Variants in GPR55 observed in about 807,000 individuals in gnomAD.
GPR55 encodes G protein-coupled receptor 55.
GPR55 carries 6 observed loss-of-function variants against 7.9 expected under a neutral mutation model. The ratio of observed to expected loss-of-function variants is 0.76; its 90% CI spans 0.41 to 1.49. GPR55 has a LOEUF of 1.49. Ranked by LOEUF, GPR55 falls within the 40% of genes most tolerant of loss-of-function variation. GPR55 has a pLI of 0.01. For missense variants in GPR55, 376 were observed against 406.0 expected (o/e 0.93, Z 0.63); for synonymous variants, 183 against 166.8 (o/e 1.10, Z -0.75).
At chr2:230,947,154 T>C (rs1284430151) in intron 1 of GPR55, among the ~76,000 whole-genome samples, 1 of 152,200 alleles carries the variant, frequency 6.6e-6, no homozygotes, top group African/African-American at 2.4e-5. Context: ...CTTTCCACTA[T>C]GGGTGTGGGA....
chr2:230,943,089 GAGAGAGAGAGGAGAGAA>G (rs1298026790), intron 1 of GPR55, among the ~76,000 whole-genome samples: 1 of 151,172 alleles, frequency 6.6e-6, no homozygotes, highest in South Asian at 2.2e-4. Context: ...AGGAGAGAAA[GAGAGAGAGAGGAGAGAA>G]AGAGAGAGAG....
intron 1 of GPR55, among the ~76,000 whole-genome samples, chr2:230,914,663 G>A (rs1017493210): frequency 4.0e-5 from 6 of 150,382 alleles, no homozygotes; most frequent in Admixed American, 6.6e-5. Flanking sequence ...GGAGGGGAAC[G>A]GGGCGGGGGG....
chr2:230,942,671 G>A (rs749872766), intron 1 of GPR55, among the ~76,000 whole-genome samples: 1 of 152,156 alleles, frequency 6.6e-6, no homozygotes, highest in Non-Finnish European at 1.5e-5. Flanking sequence ...AGGGACTTCA[G>A]GGGGCTGCAG....
intron 1 of GPR55, among the ~76,000 whole-genome samples, chr2:230,923,000 G>A (rs1451251182): frequency 2.8e-4 from 43 of 152,256 alleles, no homozygotes; most frequent in Non-Finnish European, 5.9e-5. Flanking sequence ...CCGAGCACCC[G>A]GCCTGTGCTG....
intron 1 of GPR55, among the ~76,000 whole-genome samples, chr2:230,948,802 G>A (rs1390571870): frequency 6.6e-6 from 1 of 152,206 alleles, no homozygotes; most frequent in Non-Finnish European, 1.5e-5. Flanking sequence ...TGAGGGTTGG[G>A]CGAGGTGGCT....
At chr2:230,915,651 C>T (rs939258921) in intron 1 of GPR55, among the ~76,000 whole-genome samples, 1 of 152,170 alleles carries the variant, frequency 6.6e-6, no homozygotes, top group African/African-American at 2.4e-5. Flanking sequence ...AGAGCCACTC[C>T]CAGAGGCCCT....
At chr2:230,930,367 T>C (rs1046658913) in intron 1 of GPR55, among the ~76,000 whole-genome samples, 9 of 152,200 alleles carry the variant, frequency 5.9e-5, no homozygotes, top group Admixed American at 1.3e-4. Context: ...TTCTTACGTG[T>C]TGAGTCTTTT....
chr2:230,935,451 G>A (rs1188544661), intron 1 of GPR55, among the ~76,000 whole-genome samples: 1 of 152,170 alleles, frequency 6.6e-6, no homozygotes, highest in African/African-American at 2.4e-5. Flanking sequence ...CTGTAAAAGG[G>A]GTTTTGCCCA....
chr2:230,923,986 C>T lies in GPR55; in HGVS notation c.-135+1182G>A, dbSNP rs148229986. Among the ~76,000 whole-genome samples the T allele has an allele frequency of 1.2e-3, 177 of 152,186 alleles. No individual in the cohort carries two copies. The highest frequency in any genetic ancestry group is 3.3e-3 in the African/African-American group (136 of 41,516). On this transcript the variant is annotated intron_variant, in intron 1 of 1. Transcript: ENST00000650999. This position sits in a 1 kb window ranked among gnomAD's most constrained non-coding sequence, Gnocchi z 4.1. ...AAAATCCCACCTCTTCCTTGAAATG[C>T]CCACTTCCCAGGTTCACCCACATCA...
chr2:230,943,825 C>T (rs1691272165), intron 1 of GPR55, among the ~76,000 whole-genome samples: 2 of 152,246 alleles, frequency 1.3e-5, no homozygotes, highest in Admixed American at 1.3e-4. Context: ...TGAGATGCCG[C>T]TTCCTCTTCG....
chr2:230,936,540 C>A (rs1161401652), intron 1 of GPR55, among the ~76,000 whole-genome samples: 1 of 152,194 alleles, frequency 6.6e-6, no homozygotes, highest in Admixed American at 6.5e-5. Flanking sequence ...AACTGTGAGT[C>A]AATTAAACCT....
intron 1 of GPR55, among the ~76,000 whole-genome samples, chr2:230,937,825 C>A (rs1008703065): frequency 1.3e-5 from 2 of 152,004 alleles, no homozygotes; most frequent in Non-Finnish European, 2.9e-5. Flanking sequence ...AACCACCAAA[C>A]AGAATAGAGA....
intron 1 of GPR55, among the ~76,000 whole-genome samples, chr2:230,953,434 C>T (rs940242216): frequency 3.9e-5 from 6 of 152,020 alleles, no homozygotes; most frequent in Admixed American, 2.0e-4. Flanking sequence ...GGTTTGAAGA[C>T]GGAAGAAGGG....
chr2:230,922,855 C>T (rs916437197), intron 1 of GPR55, among the ~76,000 whole-genome samples: 10 of 152,018 alleles, frequency 6.6e-5, no homozygotes, highest in Non-Finnish European at 1.5e-4. Context: ...GGGTGTGAGC[C>T]ATCGCTCCTG....
In GPR55 at chr2:230,935,703, C is replaced by A. The variant is rs548784401; in HGVS notation, c.-134-24607G>T. On this transcript the variant is annotated intron_variant, in intron 1 of 1. Coordinates refer to the GPR55 transcript ENST00000392039. ...GGGTTCCATTTTGGACCGGAGGGTA[C>A]GGAATACCGACACAGGGGAATGGAG... Among the ~76,000 whole-genome samples, 16 of 152,264 alleles carry A rather than the reference C, an allele frequency of 1.1e-4. No homozygotes were observed. The South Asian group carries it at 3.3e-3, about 32-fold the overall frequency.
At chr2:230,956,155 C>T (rs1204835438) in intron 1 of GPR55, among the ~76,000 whole-genome samples, 1 of 151,194 alleles carries the variant, frequency 6.6e-6, no homozygotes, top group Non-Finnish European at 1.5e-5. Context: ...ATTTTATTTA[C>T]TTTATTTATT....
At chr2:230,939,349 A>G (rs1190882683) in intron 1 of GPR55, among the ~76,000 whole-genome samples, 2 of 152,180 alleles carry the variant, frequency 1.3e-5, no homozygotes, top group Non-Finnish European at 2.9e-5. Context: ...GGCCATAGAA[A>G]GAAGGGAGGG....
chr2:230,922,030 C>G (rs1223272000), intron 1 of GPR55, among the ~76,000 whole-genome samples: 3 of 151,400 alleles, frequency 2.0e-5, no homozygotes, highest in African/African-American at 4.8e-5. Context: ...AAAGCAGCCT[C>G]GTCATGTGGA....
At position 230,918,566 on chromosome 2, in the gene GPR55, C is replaced by T. The variant is rs185037647; in HGVS notation, c.-135+6602G>A. Among the ~76,000 whole-genome samples the T allele has an allele frequency of 2.5e-4, 38 of 152,280 alleles. No homozygotes were observed. In the East Asian group the frequency reaches 6.9e-3, roughly 28 times the overall value. On this transcript the variant is annotated intron_variant, in intron 1 of 1. Transcript: ENST00000650999. ...TTCAGAACATAGTATTAATGAATTT[C>T]TATTAAACTAACTTATCCAAATAGC... is the stretch of plus-strand genomic sequence containing the variant.
Sources: allele counts gnomAD v4.1 joint callset (sites outside exome capture counted in the v4.1 genomes callset), GRCh38; gene constraint gnomAD v4.1.1; non-coding constraint Gnocchi (gnomAD v3.1); transcripts MANE v1.5; gene names NCBI Gene and HGNC (gene_info 2026-07-23, HGNC 2026-07-21).